The following PDCD2 variants were observed in gnomAD, a reference collection of about 807,000 sequenced individuals.
PDCD2 encodes the protein uS5 assembly chaperone PDCD2.
Under a neutral mutation model 38.1 loss-of-function variants are expected in PDCD2, and 38 were observed. The ratio of observed to expected loss-of-function variants is 1.00; its 90% CI spans 0.77 to 1.31. The LOEUF is 1.31. PDCD2 is among the 50% of genes most tolerant of loss of function. PDCD2 has a pLI of 0.00. For synonymous variants in PDCD2, 205 were observed against 168.9 expected, an observed-to-expected ratio of 1.21 and a Z score of -1.66; for missense variants, 473 against 435.7, an observed-to-expected ratio of 1.09 and a Z score of -0.76.
intron 4 of PDCD2, 170 bp downstream of exon 4, chr6:170,579,832 T>A: frequency 1.8e-6 from 1 of 562,920 alleles, no homozygotes; most frequent in East Asian, 2.9e-5. Context: ...CAAAACACCT[T>A]TCTACATGGC....
At chr6:170,583,846 A>G in intron 1 of PDCD2, 99 bp from the exon 2 acceptor site, 1 of 953,066 alleles carries the variant, frequency 1.0e-6, no homozygotes, top group Admixed American at 2.7e-5. Flanking sequence ...ACAACAAAAA[A>G]GAAATGAAAG....
At chr6:170,583,270 TTCCCTA>T in intron 2 of PDCD2, 82 bp from the exon 3 acceptor site, 3 of 1,019,042 alleles carry the variant, frequency 2.9e-6, no homozygotes, top group South Asian at 3.2e-5. Context: ...AAGTACTATA[TTCCCTA>T]TAGTTCTGGC....
chr6:170,584,172 C>A, intron 1 of PDCD2, 127 bp downstream of exon 1: 1 of 1,059,970 alleles, frequency 9.4e-7, no homozygotes, highest in South Asian at 2.7e-5. Flanking sequence ...CCTGGGGCAG[C>A]GCGGAGAGGG....
Position 170,584,615 on chromosome 6 carries a change from A to C in PDCD2, c.-34T>G. Reference sequence around the variant, plus strand: ...CGGGCTGGCGTGGGGCGCAGCCCACAGCTGGGTCGGAAGGCGGAAATCGGG... The same window carrying C: ...CGGGCTGGCGTGGGGCGCAGCCCACCGCTGGGTCGGAAGGCGGAAATCGGG... On this transcript the variant is annotated 5_prime_UTR_variant, in exon 1 of 6. Coordinates refer to ENST00000541970, the MANE Select transcript of PDCD2 (RefSeq NM_002598.4). 8.4e-7 allele frequency: 1 copy of C among 1,193,832 alleles called. No homozygotes were observed. The highest frequency in any genetic ancestry group is 1.1e-6 in the Non-Finnish European group (1 of 946,562). The allele number at this position is 1,193,832 out of a possible 1,614,324, so 74.0% of individuals were successfully genotyped here.
chr6:170,582,177 T>C, intron 3 of PDCD2: 3 of 1,509,966 alleles, frequency 2.0e-6, no homozygotes, highest in Non-Finnish European at 2.7e-6. Context: ...TCAGTCATTA[T>C]ATGGACTTTA....
At chr6:170,578,433 T>G (rs1310621474) in intron 5 of PDCD2, 27 of 567,258 alleles carry the variant, frequency 4.8e-5, no homozygotes, top group Non-Finnish European at 7.7e-5. Flanking sequence ...TATATCCATT[T>G]TTTCTAACAA....
In PDCD2 at chr6:170,577,415, C is replaced by T. The variant is rs1779475296; in HGVS notation, c.*144G>A. 4 of 686,080 alleles carry T rather than the reference C, an allele frequency of 5.8e-6. No homozygotes were observed. In the Admixed American group the frequency reaches 8.7e-5, roughly 15 times the overall value. The allele number at this position is 686,080 out of a possible 1,614,324, so 42.5% of individuals were successfully genotyped here. A position where few individuals can be genotyped will look rare whatever the true frequency, so the allele number is the denominator to read the frequency against. ...CCTGTCACTGGACACTTTTGTTTCA[C>T]TAATAAGTAGACACTGTGTAAGCAA... On this transcript the variant is annotated 3_prime_UTR_variant, in exon 6 of 6. Coordinates refer to ENST00000541970, the MANE Select transcript of PDCD2 (RefSeq NM_002598.4).
intron 5 of PDCD2, chr6:170,578,494 T>C: frequency 1.6e-6 from 1 of 641,002 alleles, no homozygotes; most frequent in Non-Finnish European, 2.8e-6. Flanking sequence ...AAGTATATAG[T>C]CAAAGACTTT....
At chr6:170,582,437 A>C (rs1366636727) in intron 3 of PDCD2, 3 of 1,436,906 alleles carry the variant, frequency 2.1e-6, no homozygotes, top group Middle Eastern at 2.6e-4. Flanking sequence ...ATTTAATATT[A>C]TGTGACCAAA....
chr6:170,576,464 C>G lies in PDCD2; in HGVS notation c.*1095G>C, dbSNP rs769200596. On this transcript the variant is annotated 3_prime_UTR_variant, in exon 6 of 6. Transcript: ENST00000541970. ...GCCTGAGAAATTTATCAGAATTAGCCGTCAGTATTCAAGCACTGATCAACA... is the reference window on the plus strand; with the variant it reads ...GCCTGAGAAATTTATCAGAATTAGCGGTCAGTATTCAAGCACTGATCAACA... 1 of 152,134 alleles carries G rather than the reference C, an allele frequency of 6.6e-6. No individual in the cohort carries two copies. The highest frequency in any genetic ancestry group is 1.5e-5 in the Non-Finnish European group (1 of 68,034). 9.4% of individuals were successfully genotyped at this position (152,134 alleles called of 1,614,324 possible).
intron 3 of PDCD2, chr6:170,582,183 C>CT (rs1779628125): frequency 6.7e-7 from 1 of 1,497,402 alleles, no homozygotes; most frequent in Non-Finnish European, 9.0e-7. Flanking sequence ...ATTATATGGA[C>CT]TTTAACTTCC....
rs765243734 is a variant in PDCD2 at position 170,583,502 on chromosome 6, C to A, written c.526+3G>T. 1.3e-6 allele frequency: 2 copies of A among 1,599,010 alleles called. No homozygotes were observed. The highest frequency in any genetic ancestry group is 2.2e-5 in the South Asian group (2 of 90,010). Reference sequence around the variant, plus strand: ...ACTGAGACTTAAAAAAAAGATTACCCACCTGGTTGTGCACAAGCCTGCTTA... The same window carrying A: ...ACTGAGACTTAAAAAAAAGATTACCAACCTGGTTGTGCACAAGCCTGCTTA... On this transcript the variant is annotated splice_donor_region_variant and intron_variant, in intron 2 of 5. Transcript: ENST00000541970.
At position 170,583,456 on chromosome 6, in the gene PDCD2, T is replaced by C. The variant is rs1196662363; in HGVS notation, c.526+49A>G. The C allele has an allele frequency of 2.6e-6, 4 of 1,565,310 alleles. No individual in the cohort carries two copies. The Admixed American group carries it at 7.4e-5, about 29-fold the overall frequency. On this transcript the variant is annotated intron_variant, in intron 2 of 5. Coordinates refer to ENST00000541970, the MANE Select transcript of PDCD2 (RefSeq NM_002598.4). ...AAAGTTGTCCTGGAAATATCTGGGT[T>C]GACAAAGGCGATGAAACTGAACTGA... is the stretch of plus-strand genomic sequence containing the variant.
At chr6:170,581,462 G>A (rs1779593945) in intron 3 of PDCD2, 1 of 152,088 alleles carries the variant, frequency 6.6e-6, no homozygotes, top group South Asian at 2.1e-4. Context: ...GCAAGCAGGA[G>A]CCTTTTCATG....
At position 170,576,783 on chromosome 6, in the gene PDCD2, C is replaced by T. The variant is rs757319671; in HGVS notation, c.*776G>A. On this transcript the variant is annotated 3_prime_UTR_variant, in exon 6 of 6. Coordinates refer to ENST00000541970, the MANE Select transcript of PDCD2 (RefSeq NM_002598.4). ...TGCTGACACGGAAAGGGAAGACCAT[C>T]GCCTTTTGCCTTTCAGTGTCTCATC... The T allele has an allele frequency of 6.6e-6, 1 of 152,230 alleles. No homozygotes were observed. Among genetic ancestry groups the T allele is most frequent in the Non-Finnish European group, 1.5e-5 (1 of 68,068 alleles). 9.4% of individuals were successfully genotyped at this position (152,230 alleles called of 1,614,324 possible).
rs985869657 is a variant in PDCD2 at position 170,577,228 on chromosome 6, G to A, written c.*331C>T. 11 of 191,622 alleles carry A rather than the reference G, an allele frequency of 5.7e-5. No individual in the cohort carries two copies. The Admixed American group carries it at 6.1e-4, about 11-fold the overall frequency. The allele number at this position is 191,622 out of a possible 1,614,324, so 11.9% of individuals were successfully genotyped here. ...CATTCGTTGGTAACCAGTTCACTAAGTGTACATCTTTGCAGATTTCTGTGC... is the reference window on the plus strand; with the variant it reads ...CATTCGTTGGTAACCAGTTCACTAAATGTACATCTTTGCAGATTTCTGTGC... On this transcript the variant is annotated 3_prime_UTR_variant, in exon 6 of 6. Transcript: ENST00000541970.
intron 5 of PDCD2, 115 bp from the exon 6 acceptor site, chr6:170,577,832 G>C: frequency 1.1e-6 from 1 of 878,676 alleles, no homozygotes; most frequent in Non-Finnish European, 1.7e-6. Flanking sequence ...CTACAAAGCA[G>C]GATTATAGAC....
At chr6:170,580,255 A>C (rs1306230775) in intron 3 of PDCD2, 150 bp from the exon 4 acceptor site, 1 of 611,794 alleles carries the variant, frequency 1.6e-6, no homozygotes, top group Non-Finnish European at 2.9e-6. Context: ...CAGGTACTCC[A>C]TCCAACTCTA....
At chr6:170,583,019 T>C (rs776632849) in intron 3 of PDCD2, 38 bp downstream of exon 3, 1 of 1,595,632 alleles carries the variant, frequency 6.3e-7, no homozygotes, top group African/African-American at 1.4e-5. Flanking sequence ...AAGTATTATG[T>C]TTAACCACTT....
Sources: allele counts gnomAD v4.1 joint callset, GRCh38; gene constraint gnomAD v4.1.1; transcripts MANE v1.5; gene names NCBI Gene and HGNC (gene_info 2026-07-23, HGNC 2026-07-21).